Variants in KLC1 observed in about 807,000 individuals in gnomAD.
KLC1 encodes the protein kinesin light chain 1, also known as kinesin 2 60/70kDa.
KLC1 carries 30 observed loss-of-function variants against 84.2 expected under a neutral mutation model. The ratio of observed to expected loss-of-function variants is 0.36; its 90% CI spans 0.27 to 0.48. KLC1 has a LOEUF of 0.48. Ranked by LOEUF, KLC1 falls within the 20% of genes least tolerant of loss-of-function variation. The probability of loss-of-function intolerance (pLI) is 0.99; values close to 1 mark genes in which losing one functional copy is unlikely to be tolerated. For synonymous variants in KLC1, 289 were observed against 293.3 expected (o/e 0.99, Z 0.15); for missense variants, 499 against 805.4 (o/e 0.62, Z 4.60).
At chr14:103,657,421 T>A in intron 2 of KLC1, 125 bp from the exon 3 acceptor site, 1 of 675,336 alleles carries the variant, frequency 1.5e-6, no homozygotes, top group Non-Finnish European at 2.6e-6. Context: ...ATTGTACTTA[T>A]ATGTACTTTG....
chr14:103,670,190 G>C lies in KLC1; in HGVS notation c.894G>C (p.Ala298=). The C allele has an allele frequency of 6.2e-7, 1 of 1,611,370 alleles. No individual in the cohort carries two copies. The change falls in exon 7 of 17, where the codon GCG becomes GCC. Residue 298 remains alanine (A), a synonymous_variant. Transcript: ENST00000334553. ...TCTCTCTGTGTTGACAGGTGGCGGC[G>C]ACTTTGAATAACCTTGCAGTCCTTT... The part of the protein sequence containing the change: ...TLGKDHPAVA[A]TLNNLAVLYG...
At chr14:103,653,172 C>T (rs1595362274) in intron 1 of KLC1, among the ~76,000 whole-genome samples, 1 of 152,108 alleles carries the variant, frequency 6.6e-6, no homozygotes, top group East Asian at 1.9e-4. Flanking sequence ...GAGACAGGGT[C>T]TTGCTCCGTC....
chr14:103,681,464 CT>C (rs1187965020), intron 13 of KLC1, among the ~76,000 whole-genome samples: 1 of 151,998 alleles, frequency 6.6e-6, no homozygotes, highest in African/African-American at 2.4e-5. Flanking sequence ...TCAAAGTACA[CT>C]TTTTCCCCCC....
chr14:103,668,309 G>A (rs1470745366), intron 5 of KLC1, among the ~76,000 whole-genome samples: 2 of 152,160 alleles, frequency 1.3e-5, no homozygotes, highest in Non-Finnish European at 2.9e-5. Flanking sequence ...GCTGGCATAG[G>A]CAGGACAACA....
intron 13 of KLC1, chr14:103,685,611 G>T (rs1360255923): frequency 3.1e-6 from 4 of 1,289,294 alleles, no homozygotes; most frequent in Middle Eastern, 2.1e-4. Context: ...TTTCACGTGG[G>T]TTTTCTCTCT....
chr14:103,646,687 C>G (rs2077963378), intron 1 of KLC1, among the ~76,000 whole-genome samples: 1 of 151,868 alleles, frequency 6.6e-6, no homozygotes, highest in Non-Finnish European at 1.5e-5. Context: ...GTTGCCCAGT[C>G]TGGTCTTGAA....
At chr14:103,655,514 C>T (rs1233735675) in intron 2 of KLC1, among the ~76,000 whole-genome samples, 1 of 151,782 alleles carries the variant, frequency 6.6e-6, no homozygotes, top group African/African-American at 2.4e-5. Context: ...GTTGGTTAGG[C>T]TGGTCTTGAA....
At chr14:103,673,656 G>T (rs887902958) in intron 9 of KLC1, among the ~76,000 whole-genome samples, 6 of 152,172 alleles carry the variant, frequency 3.9e-5, no homozygotes, top group Admixed American at 2.0e-4. Flanking sequence ...GGGCGTGGTG[G>T]CTCACGCCTG....
At chr14:103,630,977 C>T (rs2076629867) in intron 1 of KLC1, among the ~76,000 whole-genome samples, 1 of 152,126 alleles carries the variant, frequency 6.6e-6, no homozygotes, top group Non-Finnish European at 1.5e-5. Flanking sequence ...GCACAGGACT[C>T]TGGACAGCGT....
intron 5 of KLC1, among the ~76,000 whole-genome samples, chr14:103,668,182 G>A (rs1476394336): frequency 6.6e-6 from 1 of 152,242 alleles, no homozygotes; most frequent in Non-Finnish European, 1.5e-5. Context: ...TGCACCCAAA[G>A]CCATGTAGCC....
chr14:103,688,260 C>CA (rs557919112), intron 14 of KLC1: 27 of 152,348 alleles, frequency 1.8e-4, no homozygotes, highest in African/African-American at 6.5e-4. Flanking sequence ...AGTGATTCTC[C>CA]TGCCTCAGCC....
chr14:103,679,579 G>A, intron 13 of KLC1, 34 bp downstream of exon 13: 1 of 1,559,728 alleles, frequency 6.4e-7, no homozygotes. Context: ...CGTGCTCCGG[G>A]AGGCGCCCCC....
intron 14 of KLC1, among the ~76,000 whole-genome samples, chr14:103,691,573 AT>A (rs1200601403): frequency 1.4e-5 from 2 of 142,212 alleles, no homozygotes; most frequent in Non-Finnish European, 3.0e-5. Flanking sequence ...GGTTCAAATG[AT>A]TTTCCTGCCT....
At position 103,696,510 on chromosome 14, in the gene KLC1, G is replaced by C; in HGVS notation, c.1848+4085G>C. 3.0e-6 allele frequency: 3 copies of C among 985,410 alleles called. 1 individual carries two copies. The South Asian group carries it at 1.4e-4, about 46-fold the overall frequency. 61.0% of individuals were successfully genotyped at this position (985,410 alleles called of 1,614,324 possible). A position where few individuals can be genotyped will look rare whatever the true frequency, so the allele number is the denominator to read the frequency against. On this transcript the variant is annotated intron_variant, in intron 15 of 16. Coordinates refer to ENST00000334553, the MANE Select transcript of KLC1 (RefSeq NM_001394837.1). The stretch of plus-strand genomic sequence containing the variant: ...TAACAGGTTTTCCATTGTCATAACT[G>C]TATGGAATTTTCTTGGAGGATGTCA...
At chr14:103,648,957 C>T (rs1196156231) in intron 1 of KLC1, among the ~76,000 whole-genome samples, 1 of 151,496 alleles carries the variant, frequency 6.6e-6, no homozygotes, top group Non-Finnish European at 1.5e-5. Flanking sequence ...GGCAACATGG[C>T]GAAACTGTGT....
At chr14:103,662,571 G>A in intron 4 of KLC1, 131 bp from the exon 5 acceptor site, 1 of 715,714 alleles carries the variant, frequency 1.4e-6, no homozygotes, top group Non-Finnish European at 2.3e-6. Flanking sequence ...ACAGTACTAG[G>A]AAAAGATTTA....
chr14:103,696,657 G>A (rs3212136), intron 15 of KLC1: 201,811 of 985,288 alleles, frequency 0.2, 21,347 homozygotes, highest in East Asian at 0.49. Context: ...CGTGTGCAGC[G>A]GGGCCAGCTG....
Position 103,694,045 on chromosome 14 carries a change from A to G in KLC1, c.1848+1620A>G, listed in dbSNP as rs1011887824. On this transcript the variant is annotated intron_variant, in intron 15 of 16. Coordinates refer to ENST00000334553, the MANE Select transcript of KLC1 (RefSeq NM_001394837.1). The surrounding 1 kb of genome is among the most constrained non-coding windows in gnomAD (Gnocchi z 4.5). ...AACATAAAGTACCCCTTTCAGAACG[A>G]TAGGCATTTAGTGATCTATGGCAGT... is the stretch of plus-strand genomic sequence containing the variant. 1 of 999,146 alleles carries G rather than the reference A, an allele frequency of 1.0e-6. No individual in the cohort carries two copies. Among genetic ancestry groups the G allele is most frequent in the African/African-American group, 1.7e-5 (1 of 57,606 alleles). The allele number at this position is 999,146 out of a possible 1,614,324, so 61.9% of individuals were successfully genotyped here. A position where few individuals can be genotyped will look rare whatever the true frequency, so the allele number is the denominator to read the frequency against.
intron 3 of KLC1, among the ~76,000 whole-genome samples, chr14:103,661,033 G>C (rs2079241683): frequency 6.6e-6 from 1 of 152,126 alleles, no homozygotes; most frequent in Non-Finnish European, 1.5e-5. Flanking sequence ...ACCCTTTCCA[G>C]AGTACTTACG....
Sources: allele counts gnomAD v4.1 joint callset (sites outside exome capture counted in the v4.1 genomes callset), GRCh38; gene constraint gnomAD v4.1.1; non-coding constraint Gnocchi (gnomAD v3.1); transcripts MANE v1.5; gene names NCBI Gene and HGNC (gene_info 2026-07-23, HGNC 2026-07-21).